Variants in CSMD1 observed in about 807,000 individuals in gnomAD.
The protein encoded by CSMD1 is CUB and sushi domain-containing protein 1.
CSMD1 carries 213 observed loss-of-function variants against 417.5 expected under a neutral mutation model. That is an observed-to-expected ratio of 0.51 (90% confidence interval 0.46 to 0.57). CSMD1 has a LOEUF of 0.57. Among genes scored for constraint, CSMD1 ranks in the 20% least tolerant of loss-of-function variants. CSMD1 has a pLI of 0.00. For missense variants in CSMD1, 6,923 were observed against 4,529.7 expected, an observed-to-expected ratio of 1.53 and a Z score of -15.17; for synonymous variants, 2,862 against 1,736.8, an observed-to-expected ratio of 1.65 and a Z score of -16.11.
chr8:4,456,151 G>C (rs28636971), intron 2 of CSMD1, among the ~76,000 whole-genome samples: 2 of 150,574 alleles, frequency 1.3e-5, no homozygotes, highest in Admixed American at 6.6e-5. Flanking sequence ...GGTTAACAGA[G>C]AGTGGTCCCT....
intron 52 of CSMD1, among the ~76,000 whole-genome samples, chr8:3,013,748 G>GAAAAAAAAA (rs753380315): frequency 8.3e-6 from 1 of 119,762 alleles, no homozygotes. Context: ...CTCCATCTCA[G>GAAAAAAAAA]AAAAAAAAAA....
chr8:3,863,759 G>A (rs942860813), intron 5 of CSMD1, among the ~76,000 whole-genome samples: 3 of 151,988 alleles, frequency 2.0e-5, no homozygotes. Flanking sequence ...AAACTACCCA[G>A]AAGAGAATTT....
intron 2 of CSMD1, among the ~76,000 whole-genome samples, chr8:4,504,085 G>A (rs1445156239): frequency 6.6e-6 from 1 of 152,000 alleles, no homozygotes; most frequent in Non-Finnish European, 1.5e-5. Flanking sequence ...ATCCTACTAT[G>A]TCCACTGATT....
intron 1 of CSMD1, among the ~76,000 whole-genome samples, chr8:4,964,524 A>AAAT (rs1419908292): frequency 6.7e-6 from 1 of 150,226 alleles, no homozygotes; most frequent in African/African-American, 2.4e-5. Flanking sequence ...AAAAAAAAAA[A>AAAT]AGGAAGGAAG....
chr8:3,079,014 G>T (rs539171950), intron 49 of CSMD1, among the ~76,000 whole-genome samples: 2 of 152,270 alleles, frequency 1.3e-5, no homozygotes, highest in Admixed American at 1.3e-4. Context: ...GAACTTCAGT[G>T]AAGTCACTTG....
intron 23 of CSMD1, among the ~76,000 whole-genome samples, chr8:3,318,504 T>G (rs79684978): frequency 0.017 from 2,628 of 152,190 alleles, 71 homozygotes; most frequent in African/African-American, 0.059. Context: ...AGATAACATA[T>G]AAAAGTTAAC....
rs111396480 is a variant in CSMD1, at chr8:4,771,199, T to C, written c.86-133641A>G. ...TGAGGCCCAGAAATGGAGGCCGCTT[T>C]GCCTAAAATTAGCAATTTTCAAGAG... On this transcript the variant is annotated intron_variant, in intron 1 of 69. Transcript: ENST00000635120. 3.4e-3 allele frequency among the ~76,000 whole-genome samples: 519 copies of C among 152,342 alleles called. 8 individuals are homozygous for C. Among genetic ancestry groups the C allele is most frequent in the African/African-American group, 0.012 (502 of 41,570 alleles).
At chr8:4,195,273 T>C (rs1314875800) in intron 3 of CSMD1, among the ~76,000 whole-genome samples, 1 of 152,186 alleles carries the variant, frequency 6.6e-6, no homozygotes, top group African/African-American at 2.4e-5. Context: ...TCTTGCTCTT[T>C]CACCCAGGCA....
intron 23 of CSMD1, among the ~76,000 whole-genome samples, chr8:3,311,337 T>A (rs989886617): frequency 7.9e-5 from 12 of 151,994 alleles, no homozygotes; most frequent in African/African-American, 2.9e-4. Context: ...GCAACCTCCA[T>A]CTCCTGGGTT....
At chr8:4,296,476 T>C (rs1361476115) in intron 3 of CSMD1, among the ~76,000 whole-genome samples, 1 of 152,126 alleles carries the variant, frequency 6.6e-6, no homozygotes, top group South Asian at 2.1e-4. Flanking sequence ...TATTTAAATA[T>C]TTTAAATAAT....
intron 49 of CSMD1, among the ~76,000 whole-genome samples, chr8:3,082,980 G>A (rs757034015): frequency 1.1e-4 from 17 of 152,194 alleles, no homozygotes; most frequent in South Asian, 2.1e-4. Context: ...TGGCGAAGAC[G>A]TGGTGATGTG....
intron 26 of CSMD1, among the ~76,000 whole-genome samples, chr8:3,245,847 T>A (rs2117001997): frequency 6.6e-6 from 1 of 152,342 alleles, no homozygotes; most frequent in South Asian, 2.1e-4. Context: ...ATGACTTTTA[T>A]CTGCTTGATA....
Position 4,169,934 on chromosome 8 carries a change from G to C in CSMD1, c.416-137835C>G, listed in dbSNP as rs762248242. 7.3e-5 allele frequency among the ~76,000 whole-genome samples: 11 copies of C among 149,774 alleles called. 1 individual carries two copies. The highest frequency in any genetic ancestry group is 2.3e-4 in the African/African-American group (9 of 39,120). ...TATTATTATAGAACGTAACTCAGAA[G>C]AGATTTTGGCTTGCGTGTGTGTTTT... On this transcript the variant is annotated intron_variant, in intron 3 of 69. Transcript: ENST00000635120.
chr8:4,919,518 G>C (rs1461449856), intron 1 of CSMD1, among the ~76,000 whole-genome samples: 4 of 152,180 alleles, frequency 2.6e-5, no homozygotes, highest in African/African-American at 9.7e-5. Flanking sequence ...ATAGAAGGCA[G>C]AAGTTTGCAT....
chr8:4,362,233 G>A (rs1484437849), intron 3 of CSMD1, among the ~76,000 whole-genome samples: 1 of 152,114 alleles, frequency 6.6e-6, no homozygotes, highest in Non-Finnish European at 1.5e-5. Context: ...TTTAACAAAA[G>A]ACTTGTTTTT....
At chr8:3,258,689 C>G (rs1476047251) in intron 26 of CSMD1, among the ~76,000 whole-genome samples, 1 of 152,168 alleles carries the variant, frequency 6.6e-6, no homozygotes, top group African/African-American at 2.4e-5. Context: ...ATGGAAGCAA[C>G]CTAAATGCCC....
chr8:3,205,330 A>G (rs11776455), intron 31 of CSMD1, among the ~76,000 whole-genome samples, 174 bp downstream of exon 31: 1 of 152,178 alleles, frequency 6.6e-6, no homozygotes, highest in African/African-American at 2.4e-5. Context: ...TGGTAAAAGG[A>G]CTGTAATGGA....
chr8:4,480,316 G>A (rs1334091950), intron 2 of CSMD1, among the ~76,000 whole-genome samples: 1 of 152,230 alleles, frequency 6.6e-6, no homozygotes, highest in East Asian at 1.9e-4. Flanking sequence ...TAACCTGTGT[G>A]TTTCTGCAGC....
intron 6 of CSMD1, among the ~76,000 whole-genome samples, chr8:3,738,516 T>C (rs896790039): frequency 4.6e-5 from 7 of 152,156 alleles, no homozygotes; most frequent in Admixed American, 4.6e-4. Flanking sequence ...TGATCAGAAA[T>C]GCAAATACTG....
Sources: allele counts gnomAD v4.1 joint callset (sites outside exome capture counted in the v4.1 genomes callset), GRCh38; gene constraint gnomAD v4.1.1; transcripts MANE v1.5; gene names NCBI Gene and HGNC (gene_info 2026-07-23, HGNC 2026-07-21).